The following XRN2 variants were observed in gnomAD, a reference collection of about 807,000 sequenced individuals.
XRN2 encodes the protein 5'-3' exoribonuclease 2, also known as DHM1-like protein.
A neutral mutation model predicts 138.5 loss-of-function variants in XRN2; 44 were observed. The observed-to-expected ratio is 0.32, with a 90% CI of 0.25 to 0.41. The LOEUF (loss-of-function observed/expected upper bound fraction) is 0.41, where lower values mean the gene tolerates loss of function less well. XRN2 is among the 10% of genes least tolerant of loss of function. The pLI is 1.00. For synonymous variants in XRN2, 354 were observed against 369.4 expected, an observed-to-expected ratio of 0.96 and a Z score of 0.48; for missense variants, 937 against 1,169.3, an observed-to-expected ratio of 0.80 and a Z score of 2.90.
chr20:21,375,010 C>T (rs373778205), intron 27 of XRN2, among the ~76,000 whole-genome samples: 368 of 44,606 alleles, frequency 8.3e-3, no homozygotes, highest in Admixed American at 0.012. Flanking sequence ...TTGGTAAGTT[C>T]TTTTTTTTTT....
chr20:21,379,606 A>C (rs972209109), intron 27 of XRN2, among the ~76,000 whole-genome samples: 6 of 152,214 alleles, frequency 3.9e-5, no homozygotes, highest in Non-Finnish European at 8.8e-5. Context: ...TGAGAGATAG[A>C]AAATGGAAAA....
intron 1 of XRN2, among the ~76,000 whole-genome samples, chr20:21,311,454 G>A (rs187970521): frequency 3.9e-4 from 60 of 152,208 alleles, no homozygotes; most frequent in African/African-American, 1.4e-3. Flanking sequence ...TTGTATATGG[G>A]AGTATATGTC....
chr20:21,360,471 T>TC (rs2038625366), intron 24 of XRN2, among the ~76,000 whole-genome samples: 1 of 151,472 alleles, frequency 6.6e-6, no homozygotes, highest in African/African-American at 2.4e-5. Context: ...TTTTTTTTTT[T>TC]CTCATAGCAC....
At chr20:21,308,674 G>A (rs202824) in intron 1 of XRN2, among the ~76,000 whole-genome samples, 20,979 of 151,948 alleles carry the variant, frequency 0.14, 1,798 homozygotes, top group Non-Finnish European at 0.19. Context: ...TTTTATCTTC[G>A]GTTGTCTTAC....
chr20:21,376,336 C>T (rs577195807), intron 27 of XRN2, among the ~76,000 whole-genome samples: 1 of 152,258 alleles, frequency 6.6e-6, no homozygotes, highest in African/African-American at 2.4e-5. Flanking sequence ...GCCTGGGTAA[C>T]AGCAAGACCC....
chr20:21,373,272 C>T (rs1281571830), intron 27 of XRN2, among the ~76,000 whole-genome samples: 1 of 152,122 alleles, frequency 6.6e-6, no homozygotes, highest in Non-Finnish European at 1.5e-5. Context: ...TCTCACAAAG[C>T]GCCGCGATTA....
At chr20:21,304,285 A>G (rs1485684969) in intron 1 of XRN2, among the ~76,000 whole-genome samples, 1 of 150,396 alleles carries the variant, frequency 6.6e-6, no homozygotes, top group African/African-American at 2.4e-5. Flanking sequence ...GAGGCACATC[A>G]CGCGTACCTC....
At chr20:21,338,066 C>T (rs995229021) in intron 13 of XRN2, among the ~76,000 whole-genome samples, 8 of 152,086 alleles carry the variant, frequency 5.3e-5, no homozygotes, top group Non-Finnish European at 8.8e-5. Context: ...CTTATGTATC[C>T]GGCATTCAGC....
intron 9 of XRN2, 145 bp from the exon 10 acceptor site, chr20:21,333,399 A>T: frequency 2.4e-6 from 2 of 827,862 alleles, no homozygotes; most frequent in Non-Finnish European, 3.9e-6. Flanking sequence ...TTTTTATTTT[A>T]AAATGCATTG....
chr20:21,316,391 C>T (rs2037959546), intron 1 of XRN2, among the ~76,000 whole-genome samples: 1 of 152,136 alleles, frequency 6.6e-6, no homozygotes, highest in Admixed American at 6.5e-5. Flanking sequence ...ATATTTACAC[C>T]TGTTTTTCGG....
At chr20:21,327,310 T>C (rs2038142187) in intron 3 of XRN2, among the ~76,000 whole-genome samples, 1 of 152,204 alleles carries the variant, frequency 6.6e-6, no homozygotes, top group African/African-American at 2.4e-5. Context: ...GCTCCTTTTA[T>C]AAATGACCAG....
chr20:21,384,385 A>T (rs1419720513), intron 28 of XRN2, among the ~76,000 whole-genome samples: 1 of 152,254 alleles, frequency 6.6e-6, no homozygotes, highest in Non-Finnish European at 1.5e-5. Context: ...AATTGGTAGT[A>T]GTTCACATCT....
intron 28 of XRN2, among the ~76,000 whole-genome samples, chr20:21,383,264 A>G (rs1207615592): frequency 6.6e-6 from 1 of 152,194 alleles, no homozygotes; most frequent in African/African-American, 2.4e-5. Context: ...TCAGTACCAC[A>G]AATTTTAAGC....
intron 27 of XRN2, 135 bp downstream of exon 27, chr20:21,368,725 G>A (rs2038730547): frequency 1.2e-5 from 14 of 1,205,550 alleles, no homozygotes; most frequent in Non-Finnish European, 1.6e-5. Context: ...TAAGTTAGAA[G>A]AGTTGTGAGA....
At chr20:21,323,377 A>T (rs2038075319) in intron 1 of XRN2, among the ~76,000 whole-genome samples, 1 of 152,176 alleles carries the variant, frequency 6.6e-6, no homozygotes. Flanking sequence ...TCATCTGGGG[A>T]ATCCAAAAAA....
chr20:21,316,834 T>A (rs1431932157), intron 1 of XRN2, among the ~76,000 whole-genome samples: 1 of 152,248 alleles, frequency 6.6e-6, no homozygotes, highest in Non-Finnish European at 1.5e-5. Flanking sequence ...AAAATATAAA[T>A]TTCGTATTTC....
At chr20:21,382,110 G>T in intron 28 of XRN2, 53 bp downstream of exon 28, 3 of 1,454,908 alleles carry the variant, frequency 2.1e-6, no homozygotes, top group Middle Eastern at 1.8e-4. Context: ...CCAACATTTG[G>T]GGTTTATGGT....
At chr20:21,346,274 G>C in intron 16 of XRN2, 141 bp from the exon 17 acceptor site, 1 of 1,071,186 alleles carries the variant, frequency 9.3e-7, no homozygotes, top group Non-Finnish European at 1.3e-6. Flanking sequence ...ATAGTTAAAT[G>C]AATCTGTGTT....
chr20:21,383,295 G>T (rs2038905258), intron 28 of XRN2, among the ~76,000 whole-genome samples: 1 of 152,124 alleles, frequency 6.6e-6, no homozygotes, highest in Non-Finnish European at 1.5e-5. Context: ...TAAGTAAGGG[G>T]TAAATTTTTC....
Sources: allele counts gnomAD v4.1 joint callset (sites outside exome capture counted in the v4.1 genomes callset), GRCh38; gene constraint gnomAD v4.1.1; transcripts MANE v1.5; gene names NCBI Gene and HGNC (gene_info 2026-07-23, HGNC 2026-07-21).